The following ARHGEF16 variants were observed in gnomAD, a reference collection of about 807,000 sequenced individuals.
The protein encoded by ARHGEF16 is Rho guanine nucleotide exchange factor 16, also known as Rho guanine exchange factor (GEF) 16.
In ARHGEF16, 59 loss-of-function variants were observed where a neutral mutation model predicts 74.1. That is an observed-to-expected ratio of 0.80 (90% CI 0.65 to 0.99). The LOEUF is 0.99. ARHGEF16 is among the 50% of genes least tolerant of loss of function. ARHGEF16 has a pLI of 0.00. For synonymous variants in ARHGEF16, 415 were observed against 412.6 expected (o/e 1.01, Z -0.07); for missense variants, 948 against 986.6 (o/e 0.96, Z 0.52).
chr1:3,468,888 A>G lies in ARHGEF16; in HGVS notation c.813A>G (p.Glu271=), dbSNP rs1380128362. The G allele has an allele frequency of 1.9e-6, 3 of 1,550,286 alleles. No individual in the cohort carries two copies. In the South Asian group the frequency reaches 3.6e-5, roughly 18 times the overall value. ...VTWSQLPEVV[E]LGILDQLSTE... is the part of the protein sequence containing the mutation. ...GGCCTGTGTCCCCCCAGGTGGTGGA[A>G]TTGGGCATCCTGGACCAGCTCTCCA... is the stretch of plus-strand genomic sequence containing the variant. Residue 271 remains glutamate, a synonymous_variant, in exon 5 of 15, where the codon GAA becomes GAG. Coordinates refer to ENST00000378378, the MANE Select transcript of ARHGEF16 (RefSeq NM_014448.4).
At chr1:3,476,128 G>A in intron 10 of ARHGEF16, 66 bp downstream of exon 10, 3 of 1,485,598 alleles carry the variant, frequency 2.0e-6, no homozygotes, top group South Asian at 2.5e-5. Flanking sequence ...GCTGGCCTGC[G>A]TGTGAGGTCA....
In ARHGEF16 at chr1:3,480,441, G is replaced by A. The variant is rs1280877907; in HGVS notation, c.1991-7G>A. On this transcript the variant is annotated splice_region_variant and splice_polypyrimidine_tract_variant and intron_variant, in intron 14 of 14. Transcript: ENST00000378378. ...CTCACCTCCCTCCCACCCCTATCCG[G>A]GTTCAGGGTGGCTCTATGGCGAGAG... 6.2e-7 allele frequency: 1 copy of A among 1,612,334 alleles called. No homozygotes were observed. The highest frequency in any genetic ancestry group is 8.5e-7 in the Non-Finnish European group (1 of 1,179,890).
At chr1:3,480,309 C>A in intron 14 of ARHGEF16, 139 bp from the exon 15 acceptor site, 1 of 1,274,194 alleles carries the variant, frequency 7.8e-7, no homozygotes, top group Non-Finnish European at 1.1e-6. Flanking sequence ...AAGGCCTCAG[C>A]AGCTGTCTGC....
chr1:3,463,700 G>A (rs1199436346), intron 2 of ARHGEF16, 28 bp downstream of exon 2: 19 of 1,375,216 alleles, frequency 1.4e-5, no homozygotes, highest in Non-Finnish European at 1.8e-5. Context: ...TGGACCGTGG[G>A]GAGGGGGCTG....
chr1:3,475,886 G>T (rs1011927208), intron 9 of ARHGEF16, 84 bp from the exon 10 acceptor site: 2 of 1,369,406 alleles, frequency 1.5e-6, no homozygotes, highest in Non-Finnish European at 2.0e-6. Context: ...TGGCTGGGCA[G>T]GTGTCCTGGG....
chr1:3,461,167 T>A (rs1639383662), intron 1 of ARHGEF16, among the ~76,000 whole-genome samples: 4 of 152,216 alleles, frequency 2.6e-5, no homozygotes, highest in Admixed American at 2.6e-4. Flanking sequence ...TGGTGGTTAT[T>A]GTTTTTATCT....
chr1:3,468,204 TG>T (rs1203685083), intron 4 of ARHGEF16, among the ~76,000 whole-genome samples: 6 of 152,144 alleles, frequency 3.9e-5, no homozygotes, highest in Admixed American at 3.9e-4. Context: ...CGACCCTGCA[TG>T]GGAAGGAGGC....
intron 12 of ARHGEF16, 53 bp downstream of exon 12, chr1:3,478,665 T>TTAGCTCCAC (rs1557699428): frequency 1.2e-5 from 19 of 1,539,108 alleles, no homozygotes; most frequent in African/African-American, 1.2e-4. Flanking sequence ...ATTAGCTCCA[T>TTAGCTCCAC]GGGGACCGGG....
chr1:3,463,583 C>T lies in ARHGEF16; in HGVS notation c.499C>T (p.Gln167Ter), dbSNP rs1639463687. 2 of 1,448,788 alleles carry T rather than the reference C, an allele frequency of 1.4e-6. No homozygotes were observed. Among genetic ancestry groups the T allele is most frequent in the East Asian group, 2.5e-5 (1 of 39,936 alleles). The allele number at this position is 1,448,788 out of a possible 1,614,324, so 89.7% of individuals were successfully genotyped here. ...GAAGGGCCTGGGGAAGCCAGGTGGC[C>T]AGGGAGATGCCATCCAGCTAAGCCC... Reference protein sequence around the residue: ...AMKGLGKPGGQGDAIQLSPKL... With the variant: ...AMKGLGKPGG Residue 167 changes from glutamine to a stop codon, truncating the protein, a stop_gained, in exon 2 of 15, where the codon CAG (glutamine) becomes TAG (stop). Coordinates refer to ENST00000378378, the MANE Select transcript of ARHGEF16 (RefSeq NM_014448.4). LOFTEE classifies it high-confidence loss of function.
In ARHGEF16 at chr1:3,476,019, A is replaced by G. The variant is rs1057048956; in HGVS notation, c.1430A>G (p.Gln477Arg). The G allele has an allele frequency of 1.3e-6, 2 of 1,557,672 alleles. No homozygotes were observed. The highest frequency in any genetic ancestry group is 2.7e-5 in the African/African-American group (2 of 73,546). Residue 477 changes from glutamine to arginine, a missense_variant, in exon 10 of 15, where the codon CAG becomes CGG. By Grantham distance (43) the Gln-to-Arg change is conservative. Coordinates refer to ENST00000378378, the MANE Select transcript of ARHGEF16 (RefSeq NM_014448.4). The part of the protein sequence containing the change: ...EGAHRMERME[Q>R]MYTLHTQLDF... Reference sequence around the variant, plus strand: ...GCCCACAGGATGGAGCGCATGGAGCAGATGTACACGCTGCACACACAGCTG... The same window carrying G: ...GCCCACAGGATGGAGCGCATGGAGCGGATGTACACGCTGCACACACAGCTG...
At chr1:3,477,234 G>C (rs1440773441) in intron 10 of ARHGEF16, among the ~76,000 whole-genome samples, 1 of 39,816 alleles carries the variant, frequency 2.5e-5, no homozygotes, top group East Asian at 7.5e-4. Context: ...CTGGTGGGCA[G>C]GCTCCTCATT....
chr1:3,467,250 C>G lies in ARHGEF16; in HGVS notation c.717C>G (p.Ser239=). 6.4e-7 allele frequency: 1 copy of G among 1,550,540 alleles called. No individual in the cohort carries two copies. Among genetic ancestry groups the G allele is most frequent in the Non-Finnish European group, 8.7e-7 (1 of 1,146,890 alleles). ...ESDDDILDES[S]SPEGTQKVDA... ...ATGACGACATCCTCGATGAGTCCTCCAGCCCCGAGGGAACCCAGAAGGTGG... is the reference window on the plus strand; with the variant it reads ...ATGACGACATCCTCGATGAGTCCTCGAGCCCCGAGGGAACCCAGAAGGTGG... Residue 239 remains serine, a synonymous_variant, in exon 4 of 15, where the codon TCC becomes TCG. Coordinates refer to ENST00000378378, the MANE Select transcript of ARHGEF16 (RefSeq NM_014448.4).
At chr1:3,469,731 C>T (rs1239430175) in intron 6 of ARHGEF16, 138 bp downstream of exon 6, 34 of 1,227,950 alleles carry the variant, frequency 2.8e-5, no homozygotes, top group Non-Finnish European at 3.7e-5. Context: ...CAGCTGCTGG[C>T]TCCCGCGGAG....
chr1:3,477,595 G>C (rs890841723), intron 10 of ARHGEF16, among the ~76,000 whole-genome samples: 1 of 151,632 alleles, frequency 6.6e-6, no homozygotes, highest in Non-Finnish European at 1.5e-5. Flanking sequence ...ACTGGCCTTC[G>C]AGTCCTGGCT....
At position 3,480,725 on chromosome 1, in the gene ARHGEF16, G is replaced by A. The variant is rs1640035205; in HGVS notation, c.*138G>A. ...GGCTTCCCAAGAGCCTGTGGCTGTG[G>A]TGCCGGGCTCCAGACACTTCACGGA... On this transcript the variant is annotated 3_prime_UTR_variant, in exon 15 of 15. Coordinates refer to ENST00000378378, the MANE Select transcript of ARHGEF16 (RefSeq NM_014448.4). 1 of 1,219,454 alleles carries A rather than the reference G, an allele frequency of 8.2e-7. No individual in the cohort carries two copies. 75.5% of individuals were successfully genotyped at this position (1,219,454 alleles called of 1,614,324 possible).
At chr1:3,473,794 C>A (rs1411488941) in intron 8 of ARHGEF16, 17 of 537,612 alleles carry the variant, frequency 3.2e-5, no homozygotes, top group Middle Eastern at 4.6e-4. Flanking sequence ...GGCACACTGA[C>A]GAGTTGGAAC....
intron 6 of ARHGEF16, among the ~76,000 whole-genome samples, chr1:3,471,001 C>T (rs1309510619): frequency 1.8e-4 from 15 of 81,588 alleles, no homozygotes; most frequent in African/African-American, 6.7e-4. Context: ...CAGGGGTGTG[C>T]GTGGGTGTGT....
rs1639948423 is a variant in ARHGEF16, at chr1:3,478,223, A to G, written c.1625+197A>G. The G allele has an allele frequency of 1.6e-5, 15 of 918,252 alleles. No homozygotes were observed. The East Asian group carries it at 3.8e-4, about 23-fold the overall frequency. 56.9% of individuals were successfully genotyped at this position (918,252 alleles called of 1,614,324 possible). On this transcript the variant is annotated intron_variant, in intron 11 of 14. Coordinates refer to ENST00000378378, the MANE Select transcript of ARHGEF16 (RefSeq NM_014448.4). ...CTGTGCAGCCTCTGACCTCCTCTGC[A>G]GACCTGGGTCTGCCGGTGATAGCCA...
At chr1:3,474,812 C>G (rs773179785) in intron 9 of ARHGEF16, 30 bp downstream of exon 9, 141 of 1,606,438 alleles carry the variant, frequency 8.8e-5, no homozygotes, top group Non-Finnish European at 1.2e-4. Flanking sequence ...CAGCCCTACC[C>G]GAGTCCTGTA....
Sources: gnomAD v4.1 joint callset for allele counts (sites outside exome capture counted in the v4.1 genomes callset) on GRCh38, gnomAD v4.1.1 for gene constraint, MANE v1.5 for transcripts, NCBI Gene and HGNC (gene_info 2026-07-23, HGNC 2026-07-21) for gene names.